Variants in METTL24 observed in about 807,000 individuals in gnomAD.
METTL24 encodes methyltransferase like 24, also known as probable methyltransferase-like protein 24.
In METTL24, 29 loss-of-function variants were observed where a neutral mutation model predicts 32.7. The observed-to-expected ratio is 0.89, with a 90% CI of 0.66 to 1.21. The LOEUF is 1.21. METTL24 is among the 50% of genes most tolerant of loss of function. The probability of loss-of-function intolerance (pLI) is 0.00; values close to 1 mark genes in which losing one functional copy is unlikely to be tolerated. For synonymous variants in METTL24, 163 were observed against 179.5 expected (o/e 0.91, Z 0.73); for missense variants, 439 against 468.1 (o/e 0.94, Z 0.57).
At chr6:110,295,868 T>C (rs1771408534) in intron 4 of METTL24, among the ~76,000 whole-genome samples, 1 of 149,096 alleles carries the variant, frequency 6.7e-6, no homozygotes, top group Admixed American at 6.6e-5. Flanking sequence ...ACTAAAATTG[T>C]TAATAAAAAC....
intron 3 of METTL24, among the ~76,000 whole-genome samples, chr6:110,302,092 A>G (rs1367835814): frequency 6.6e-6 from 1 of 152,004 alleles, no homozygotes; most frequent in East Asian, 1.9e-4. Context: ...TGGCTAACAC[A>G]GTGAAACCCC....
chr6:110,328,222 A>G (rs1772049244), intron 1 of METTL24, among the ~76,000 whole-genome samples: 1 of 152,056 alleles, frequency 6.6e-6, no homozygotes, highest in Non-Finnish European at 1.5e-5. Flanking sequence ...AGCATTTCTC[A>G]GGGCAGGCGT....
At position 110,315,488 on chromosome 6, in the gene METTL24, A is replaced by G; in HGVS notation, c.418-7T>C. 1 of 1,613,512 alleles carries G rather than the reference A, an allele frequency of 6.2e-7. No homozygotes were observed. The highest frequency in any genetic ancestry group is 2.2e-5 in the East Asian group (1 of 44,868). On this transcript the variant is annotated splice_polypyrimidine_tract_variant and splice_region_variant and intron_variant, in intron 2 of 4. Coordinates refer to ENST00000338882, the MANE Select transcript of METTL24 (RefSeq NM_001123364.3). ...TCATGTGATTGCATGCAATCTGTAAAGATTGGAAATCAATGTGAATAATTT... is the reference window on the plus strand; with the variant it reads ...TCATGTGATTGCATGCAATCTGTAAGGATTGGAAATCAATGTGAATAATTT...
At chr6:110,297,537 A>T (rs1771441820) in intron 4 of METTL24, among the ~76,000 whole-genome samples, 1 of 152,196 alleles carries the variant, frequency 6.6e-6, no homozygotes, top group African/African-American at 2.4e-5. Flanking sequence ...CTAACTGAAC[A>T]CAAAGAATAA....
intron 4 of METTL24, among the ~76,000 whole-genome samples, chr6:110,251,522 T>C (rs1395992447): frequency 6.6e-6 from 1 of 152,204 alleles, no homozygotes; most frequent in Non-Finnish European, 1.5e-5. Context: ...AGTTAGATAT[T>C]GTATTAGTCT....
chr6:110,347,306 GA>G (rs1264153746), intron 1 of METTL24, among the ~76,000 whole-genome samples: 6 of 152,194 alleles, frequency 3.9e-5, no homozygotes, highest in Admixed American at 3.9e-4. Context: ...TCTGCAAAAT[GA>G]GAACAATTCC....
At chr6:110,334,205 T>G (rs1417110628) in intron 1 of METTL24, among the ~76,000 whole-genome samples, 1 of 152,232 alleles carries the variant, frequency 6.6e-6, no homozygotes, top group Non-Finnish European at 1.5e-5. Flanking sequence ...CGAGGTCTCT[T>G]TGGTGGCTCT....
At chr6:110,257,912 G>A (rs938636563) in intron 4 of METTL24, among the ~76,000 whole-genome samples, 1 of 152,212 alleles carries the variant, frequency 6.6e-6, no homozygotes, top group African/African-American at 2.4e-5. Context: ...GAGGCTTATA[G>A]TCTCTGGAAC....
chr6:110,317,788 G>A (rs868139715), intron 2 of METTL24, among the ~76,000 whole-genome samples: 8 of 151,884 alleles, frequency 5.3e-5, no homozygotes, highest in East Asian at 1.9e-4. Context: ...CATACGGTCC[G>A]CCTACATCAG....
chr6:110,245,736 A>C lies in METTL24; in HGVS notation c.*210T>G, dbSNP rs1317324335. On this transcript the variant is annotated 3_prime_UTR_variant, in exon 5 of 5. Coordinates refer to ENST00000338882, the MANE Select transcript of METTL24 (RefSeq NM_001123364.3). Reference sequence around the variant, plus strand: ...GTTAAGGTGAAGGAAGAGTCTGGGCAAATAGGGGTGACTGTGTTTATCCCT... The same window carrying C: ...GTTAAGGTGAAGGAAGAGTCTGGGCCAATAGGGGTGACTGTGTTTATCCCT... Among the ~76,000 whole-genome samples, 1 of 152,220 alleles carries C rather than the reference A, an allele frequency of 6.6e-6. No homozygotes were observed. Among genetic ancestry groups the C allele is most frequent in the Non-Finnish European group, 1.5e-5 (1 of 68,040 alleles).
At chr6:110,247,529 G>C (rs1228844728) in intron 4 of METTL24, among the ~76,000 whole-genome samples, 1 of 152,182 alleles carries the variant, frequency 6.6e-6, no homozygotes, top group East Asian at 1.9e-4. Flanking sequence ...TACATTTGCA[G>C]AGCACTTTTC....
chr6:110,326,681 TA>T (rs1263543928), intron 1 of METTL24, among the ~76,000 whole-genome samples: 1 of 152,152 alleles, frequency 6.6e-6, no homozygotes, highest in Non-Finnish European at 1.5e-5. Context: ...AATAATGCAA[TA>T]CCTGTGTCTG....
intron 1 of METTL24, among the ~76,000 whole-genome samples, chr6:110,335,022 C>T (rs112080535): frequency 0.011 from 1,683 of 152,298 alleles, 15 homozygotes; most frequent in Non-Finnish European, 0.018. Context: ...TGGGAAGCTG[C>T]CACCAGGGCA....
chr6:110,287,246 C>T (rs891333927), intron 4 of METTL24, among the ~76,000 whole-genome samples: 5 of 152,118 alleles, frequency 3.3e-5, no homozygotes, highest in African/African-American at 1.2e-4. Flanking sequence ...CAAACATTTC[C>T]TAAATGTTGA....
intron 1 of METTL24, among the ~76,000 whole-genome samples, chr6:110,327,526 C>T (rs557347920): frequency 6.6e-5 from 10 of 152,208 alleles, no homozygotes; most frequent in Non-Finnish European, 1.2e-4. Context: ...AAATAGATGC[C>T]CTCAGAAGTG....
At chr6:110,255,424 T>C (rs1024594668) in intron 4 of METTL24, among the ~76,000 whole-genome samples, 2 of 151,950 alleles carry the variant, frequency 1.3e-5, no homozygotes, top group Non-Finnish European at 2.9e-5. Context: ...CCAGCCAAGA[T>C]GTCAGAGGTC....
chr6:110,321,269 T>C (rs1247784210), intron 2 of METTL24, among the ~76,000 whole-genome samples: 1 of 151,968 alleles, frequency 6.6e-6, no homozygotes, highest in African/African-American at 2.4e-5. Context: ...AGAAAAATTT[T>C]CTCCTCTCAG....
chr6:110,284,332 A>T (rs1272152009), intron 4 of METTL24, among the ~76,000 whole-genome samples: 1 of 152,192 alleles, frequency 6.6e-6, no homozygotes, highest in African/African-American at 2.4e-5. Flanking sequence ...ACACTTAAAA[A>T]TGGTTACTTT....
chr6:110,251,827 T>G (rs547055963), intron 4 of METTL24, among the ~76,000 whole-genome samples: 2 of 149,862 alleles, frequency 1.3e-5, no homozygotes, highest in East Asian at 3.9e-4. Flanking sequence ...CTCAAACACA[T>G]CCTAAAGGCC....
Sources: allele counts gnomAD v4.1 joint callset (sites outside exome capture counted in the v4.1 genomes callset), GRCh38; gene constraint gnomAD v4.1.1; transcripts MANE v1.5; gene names NCBI Gene and HGNC (gene_info 2026-07-23, HGNC 2026-07-21).